Variants in DACH2 observed in about 807,000 individuals in gnomAD.
DACH2 encodes the protein dachshund homolog 2.
In DACH2, 17 loss-of-function variants were observed where a neutral mutation model predicts 35.8. The ratio of observed to expected loss-of-function variants is 0.48; its 90% CI spans 0.33 to 0.71. The LOEUF is 0.71. DACH2 is among the 30% of genes least tolerant of loss of function. DACH2 has a pLI of 0.02. For synonymous variants in DACH2, 195 were observed against 177.3 expected, an observed-to-expected ratio of 1.10 and a Z score of -0.79; for missense variants, 469 against 472.7, an observed-to-expected ratio of 0.99 and a Z score of 0.07.
intron 3 of DACH2, among the ~76,000 whole-genome samples, chrX:86,586,497 G>A (rs1171256337): frequency 9.0e-6 from 1 of 111,500 alleles, no homozygotes; most frequent in African/African-American, 3.3e-5. Flanking sequence ...CAGGTCCTAT[G>A]TCCAGAAGAA....
chrX:86,624,442 G>C (rs2040109241), intron 3 of DACH2, among the ~76,000 whole-genome samples: 2 of 111,979 alleles, frequency 1.8e-5, no homozygotes, highest in Admixed American at 9.5e-5. Flanking sequence ...GTAATAACTG[G>C]TTAAGAGAAA....
chrX:86,571,268 T>G (rs1251271448), intron 3 of DACH2, among the ~76,000 whole-genome samples: 1 of 111,040 alleles, frequency 9.0e-6, no homozygotes, highest in East Asian at 2.8e-4. Context: ...TTCTGGACCC[T>G]CTATTAGGTC....
At chrX:86,252,111 T>C (rs962077616) in intron 1 of DACH2, among the ~76,000 whole-genome samples, 1 of 111,851 alleles carries the variant, frequency 8.9e-6, no homozygotes. Flanking sequence ...ACCATTTTTT[T>C]CACATGTTTG....
chrX:86,650,908 A>G (rs1252190538), intron 3 of DACH2, 128 bp from the exon 4 acceptor site: 1 of 537,732 alleles, frequency 1.9e-6, no homozygotes, highest in African/African-American at 2.5e-5. Flanking sequence ...AGGATCATCC[A>G]TAGCTCAAGC....
rs745677665 is a variant in DACH2 at position 86,580,795 on chromosome X, G to T, written c.640+66404G>T. ...CCCCTGAAATAGGGAGAGAAAATAA[G>T]CAACGTGGAAAACATATTTGAATAT... On this transcript the variant is annotated intron_variant, in intron 3 of 11. Coordinates refer to ENST00000373125, the MANE Select transcript of DACH2 (RefSeq NM_053281.3). Among the ~76,000 whole-genome samples the T allele has an allele frequency of 6.3e-5, 7 of 111,926 alleles. No homozygotes were observed. In the South Asian group the frequency reaches 2.6e-3, roughly 42 times the overall value.
intron 1 of DACH2, among the ~76,000 whole-genome samples, chrX:86,330,672 T>G (rs187242106): frequency 1.1e-3 from 125 of 112,189 alleles, no homozygotes; most frequent in African/African-American, 3.5e-3. Flanking sequence ...GTTAATTGAC[T>G]GCATTATATA....
chrX:86,825,398 C>A (rs1177480382), intron 11 of DACH2, among the ~76,000 whole-genome samples: 1 of 103,491 alleles, frequency 9.7e-6, no homozygotes, highest in Non-Finnish European at 2.0e-5. Flanking sequence ...GCCTGTGCAA[C>A]AGAGCAAGAC....
Position 86,695,129 on chromosome X carries a change from G to A in DACH2, c.881G>A (p.Gly294Glu). The change falls in exon 5 of 12, where the codon GGG (glycine) becomes GAG (glutamate). Residue 294 changes from glycine to glutamate, a missense_variant. This residue lies in a region of DACH2 where 363 missense variants were observed against 334.4 expected (regional missense o/e 1.09). Transcript: ENST00000373125. The part of the protein sequence containing the change: ...HAALAGQPGI[G>E]GAPTLNPLQQ... ...GCCCTAGCTGGCCAGCCAGGCATTG[G>A]GGGTGCTCCAACCCTCAATCCACTG... is the stretch of plus-strand genomic sequence containing the variant. The A allele has an allele frequency of 1.8e-6, 2 of 1,135,574 alleles. No homozygotes were observed. Among genetic ancestry groups the A allele is most frequent in the Non-Finnish European group, 2.3e-6 (2 of 856,463 alleles). 93.6% of individuals were successfully genotyped at this position (1,135,574 alleles called of 1,213,427 possible). A position where few individuals can be genotyped will look rare whatever the true frequency, so the allele number is the denominator to read the frequency against.
At chrX:86,417,501 G>A (rs2036726914) in intron 2 of DACH2, among the ~76,000 whole-genome samples, 1 of 106,258 alleles carries the variant, frequency 9.4e-6, no homozygotes, top group Non-Finnish European at 1.9e-5. Flanking sequence ...ATGGCAGCAG[G>A]CAAGAGAGAG....
intron 7 of DACH2, chrX:86,798,969 G>A (rs867425112): frequency 4.5e-6 from 1 of 220,661 alleles, no homozygotes; most frequent in African/African-American, 3.0e-5. Flanking sequence ...ACATCCCAAA[G>A]AAATCTCTAT....
chrX:86,532,822 A>G (rs1042968511), intron 3 of DACH2, among the ~76,000 whole-genome samples: 2 of 110,720 alleles, frequency 1.8e-5, no homozygotes, highest in Admixed American at 9.7e-5. Flanking sequence ...CAATTTCCCA[A>G]ATATCCTTCT....
intron 1 of DACH2, among the ~76,000 whole-genome samples, chrX:86,276,474 T>A (rs780349411): frequency 3.7e-4 from 41 of 111,852 alleles, no homozygotes; most frequent in Non-Finnish European, 6.4e-4. Flanking sequence ...TCTCTCATTC[T>A]GTGAGTAGTG....
chrX:86,671,294 G>C (rs1443049723), intron 4 of DACH2, among the ~76,000 whole-genome samples: 1 of 112,032 alleles, frequency 8.9e-6, no homozygotes, highest in Non-Finnish European at 1.9e-5. Context: ...TGCAACGAAA[G>C]GTATTAATTT....
At chrX:86,699,123 G>A (rs185570069) in intron 5 of DACH2, among the ~76,000 whole-genome samples, 40 of 111,859 alleles carry the variant, frequency 3.6e-4, no homozygotes, top group African/African-American at 1.0e-3. Flanking sequence ...CATAGTGAGC[G>A]TCTTCAACAC....
At chrX:86,478,191 A>T (rs1207912505) in intron 2 of DACH2, among the ~76,000 whole-genome samples, 1 of 111,705 alleles carries the variant, frequency 9.0e-6, no homozygotes, top group African/African-American at 3.3e-5. Context: ...GGTTACTATG[A>T]CCAGTAAGTT....
chrX:86,610,405 CTTTCTTTCTTTCTTTTCTTTCT>C (rs1262850605), intron 3 of DACH2, among the ~76,000 whole-genome samples: 2 of 74,386 alleles, frequency 2.7e-5, no homozygotes, highest in African/African-American at 1.2e-4. Flanking sequence ...TTCTTTCTTT[CTTTCTTTCTTTCTTTTCTTTCT>C]TTCTTTCTTT....
intron 2 of DACH2, among the ~76,000 whole-genome samples, chrX:86,403,618 G>A (rs944292962): frequency 8.9e-6 from 1 of 112,001 alleles, no homozygotes. Flanking sequence ...CAGCCACTGG[G>A]AAAAATAGTT....
At chrX:86,217,678 A>G (rs759554825) in intron 1 of DACH2, among the ~76,000 whole-genome samples, 1 of 111,917 alleles carries the variant, frequency 8.9e-6, no homozygotes, top group East Asian at 2.8e-4. Context: ...AGAAAGAATT[A>G]AAACTATAAA....
At chrX:86,286,568 G>A (rs1283607279) in intron 1 of DACH2, among the ~76,000 whole-genome samples, 2 of 110,960 alleles carry the variant, frequency 1.8e-5, no homozygotes, top group East Asian at 5.7e-4. Context: ...AGAGAAGGTG[G>A]TTTCCTCTGG....
Sources: gnomAD v4.1 joint callset for allele counts (sites outside exome capture counted in the v4.1 genomes callset) on GRCh38, gnomAD v4.1.1 for gene constraint, gnomAD v4.1.1 regional missense constraint, MANE v1.5 for transcripts, NCBI Gene and HGNC (gene_info 2026-07-23, HGNC 2026-07-21) for gene names.